The following NECAB1 variants were observed in gnomAD, a reference collection of about 807,000 sequenced individuals.
NECAB1 encodes N-terminal EF-hand calcium binding protein 1, also known as N-terminal EF-hand calcium-binding protein 1.
Under a neutral mutation model 57.5 loss-of-function variants are expected in NECAB1, and 29 were observed. That is an observed-to-expected ratio of 0.50 (90% CI 0.38 to 0.69). NECAB1 has a LOEUF of 0.69. Ranked by LOEUF, NECAB1 falls within the 30% of genes least tolerant of loss-of-function variation. NECAB1 has a pLI of 0.00. For missense variants in NECAB1, 372 were observed against 413.8 expected (o/e 0.90, Z 0.88); for synonymous variants, 142 against 147.7 (o/e 0.96, Z 0.28).
intron 4 of NECAB1, among the ~76,000 whole-genome samples, chr8:90,880,667 A>C (rs1808820442): frequency 6.6e-6 from 1 of 152,192 alleles, no homozygotes; most frequent in African/African-American, 2.4e-5. Flanking sequence ...AGAAACAATA[A>C]AATGTAACTT....
intron 5 of NECAB1, among the ~76,000 whole-genome samples, chr8:90,900,033 G>T (rs1809462397): frequency 6.6e-6 from 1 of 152,134 alleles, no homozygotes; most frequent in Admixed American, 6.5e-5. Flanking sequence ...GAGTACCTTA[G>T]TGTTTAATAC....
chr8:90,874,028 A>G (rs943477253), intron 4 of NECAB1, among the ~76,000 whole-genome samples: 10 of 152,204 alleles, frequency 6.6e-5, no homozygotes, highest in Non-Finnish European at 1.3e-4. Flanking sequence ...GATTGTATTC[A>G]GTCATGTGTT....
intron 3 of NECAB1, among the ~76,000 whole-genome samples, chr8:90,846,437 A>G (rs1244505228): frequency 6.6e-6 from 1 of 152,250 alleles, no homozygotes. Flanking sequence ...AATAGATTGA[A>G]TCTATGAACT....
At chr8:90,801,657 A>C (rs1029615907) in intron 1 of NECAB1, 34 bp from the exon 2 acceptor site, 7 of 1,439,210 alleles carry the variant, frequency 4.9e-6, no homozygotes, top group Non-Finnish European at 6.6e-6. Flanking sequence ...TTTATCTAAA[A>C]TGCTGATAAA....
At chr8:90,914,901 T>A (rs1233396337) in intron 5 of NECAB1, among the ~76,000 whole-genome samples, 1 of 152,208 alleles carries the variant, frequency 6.6e-6, no homozygotes, top group Admixed American at 6.5e-5. Flanking sequence ...ATAAAAGACA[T>A]GACCTTTCTG....
intron 10 of NECAB1, among the ~76,000 whole-genome samples, chr8:90,944,472 A>G (rs1374300492): frequency 6.6e-6 from 1 of 152,236 alleles, no homozygotes; most frequent in African/African-American, 2.4e-5. Context: ...TTGATACAAC[A>G]CATACACACA....
intron 5 of NECAB1, among the ~76,000 whole-genome samples, chr8:90,890,956 C>A (rs936599037): frequency 3.3e-5 from 5 of 152,164 alleles, no homozygotes; most frequent in Non-Finnish European, 7.3e-5. Flanking sequence ...AGGAAAGCAT[C>A]GCTTTGTCCA....
chr8:90,929,104 A>G (rs1278454734), intron 8 of NECAB1, among the ~76,000 whole-genome samples: 1 of 152,190 alleles, frequency 6.6e-6, no homozygotes, highest in East Asian at 1.9e-4. Flanking sequence ...AGCAAGAGAG[A>G]TAACAGACTT....
At chr8:90,916,013 C>T (rs1809942820) in intron 5 of NECAB1, among the ~76,000 whole-genome samples, 1 of 152,314 alleles carries the variant, frequency 6.6e-6, no homozygotes, top group South Asian at 2.1e-4. Context: ...TCTGCCCCTC[C>T]TAGTCCACTG....
At chr8:90,912,520 G>T (rs1198445614) in intron 5 of NECAB1, among the ~76,000 whole-genome samples, 1 of 151,948 alleles carries the variant, frequency 6.6e-6, no homozygotes, top group African/African-American at 2.4e-5. Context: ...TTATAATTTT[G>T]TCTCCTCGTT....
intron 3 of NECAB1, among the ~76,000 whole-genome samples, chr8:90,864,004 C>T (rs142122113): frequency 1.3e-5 from 2 of 152,166 alleles, no homozygotes; most frequent in Non-Finnish European, 2.9e-5. Context: ...GATGCTGGTC[C>T]TCAAAGTGTT....
intron 10 of NECAB1, among the ~76,000 whole-genome samples, chr8:90,944,077 A>G (rs1313132335): frequency 6.6e-6 from 1 of 152,180 alleles, no homozygotes; most frequent in Non-Finnish European, 1.5e-5. Context: ...AATAATCAAG[A>G]GGCACATATT....
At chr8:90,906,887 A>ATGTATATATATATATATGTATG (rs199604237) in intron 5 of NECAB1, among the ~76,000 whole-genome samples, 1 of 121,662 alleles carries the variant, frequency 8.2e-6, no homozygotes, top group African/African-American at 3.7e-5. Flanking sequence ...ATATATATAT[A>ATGTATATATATATATATGTATG]TATATATATA....
Position 90,951,202 on chromosome 8 carries a change from C to T in NECAB1, c.1028C>T (p.Pro343Leu). 6.4e-7 allele frequency: 1 copy of T among 1,559,200 alleles called. No individual in the cohort carries two copies. The highest frequency in any genetic ancestry group is 8.8e-7 in the Non-Finnish European group (1 of 1,140,612). Reference protein sequence around the residue: ...TPELTSTMLVPASWWILNN With the variant: ...TPELTSTMLVLASWWILNN ...GAACTCACATCTACAATGCTAGTTC[C>T]TGGTAATTATCCTGGGTTTACAATG... is the stretch of plus-strand genomic sequence containing the variant. The change falls in exon 12 of 13, where the codon CCT becomes CTT. Residue 343 changes from proline (P) to leucine (L), a missense_variant and splice_region_variant. By Grantham distance (98) the Pro-to-Leu change is moderately conservative (BLOSUM62 -3). Coordinates refer to ENST00000417640, the MANE Select transcript of NECAB1 (RefSeq NM_022351.5).
At chr8:90,950,376 G>A (rs1368672893) in intron 11 of NECAB1, among the ~76,000 whole-genome samples, 2 of 152,038 alleles carry the variant, frequency 1.3e-5, no homozygotes, top group African/African-American at 4.8e-5. Flanking sequence ...AATTCAAGAC[G>A]TTGTCAAAAA....
intron 4 of NECAB1, chr8:90,872,358 G>T: frequency 4.3e-6 from 2 of 467,818 alleles, no homozygotes; most frequent in Non-Finnish European, 3.8e-6. Context: ...GGCCTCATTA[G>T]TTCGTTCATA....
At chr8:90,813,809 T>G (rs1812012860) in intron 2 of NECAB1, among the ~76,000 whole-genome samples, 1 of 152,276 alleles carries the variant, frequency 6.6e-6, no homozygotes, top group Admixed American at 6.5e-5. Context: ...TTCAAAAAAG[T>G]TTTTGTTTTA....
chr8:90,904,577 A>G (rs1339447136), intron 5 of NECAB1, among the ~76,000 whole-genome samples: 2 of 152,086 alleles, frequency 1.3e-5, no homozygotes, highest in African/African-American at 4.8e-5. Context: ...AATGTGACTT[A>G]GAGAGACAAA....
intron 9 of NECAB1, among the ~76,000 whole-genome samples, chr8:90,936,275 T>G (rs1467588375): frequency 6.6e-6 from 1 of 152,124 alleles, no homozygotes; most frequent in African/African-American, 2.4e-5. Context: ...AGTGAATGCT[T>G]GAGAACTTGG....
Sources: gnomAD v4.1 joint callset for allele counts (sites outside exome capture counted in the v4.1 genomes callset) on GRCh38, gnomAD v4.1.1 for gene constraint, MANE v1.5 for transcripts, NCBI Gene and HGNC (gene_info 2026-07-23, HGNC 2026-07-21) for gene names.